Variants in SORCS3 observed in about 807,000 individuals in gnomAD.
The protein encoded by SORCS3 is sortilin related VPS10 domain containing receptor 3, also known as VPS10 domain-containing receptor SorCS3.
A neutral mutation model predicts 146.3 loss-of-function variants in SORCS3; 57 were observed. The observed-to-expected ratio is 0.39, with a 90% CI of 0.31 to 0.49. The LOEUF (loss-of-function observed/expected upper bound fraction) is 0.49, where lower values mean the gene tolerates loss of function less well. SORCS3 is among the 20% of genes least tolerant of loss of function. SORCS3 has a pLI of 0.92. For synonymous variants in SORCS3, 653 were observed against 618.5 expected (o/e 1.06, Z -0.83); for missense variants, 1,341 against 1,575.5 (o/e 0.85, Z 2.52).
intron 1 of SORCS3, among the ~76,000 whole-genome samples, chr10:104,645,073 A>C (rs749054085): frequency 2.3e-4 from 35 of 152,132 alleles, no homozygotes; most frequent in Non-Finnish European, 3.2e-4. Flanking sequence ...GAAGGAGTGC[A>C]ACTGGCTTTG....
intron 5 of SORCS3, among the ~76,000 whole-genome samples, chr10:105,048,398 G>C (rs1404072435): frequency 4.0e-5 from 6 of 151,238 alleles, no homozygotes; most frequent in Non-Finnish European, 7.4e-5. Flanking sequence ...CATGGATGAA[G>C]CTGGAAACCA....
At chr10:105,035,027 C>G (rs545865551) in intron 4 of SORCS3, among the ~76,000 whole-genome samples, 12 of 152,178 alleles carry the variant, frequency 7.9e-5, no homozygotes, top group Non-Finnish European at 1.3e-4. Flanking sequence ...AGCACCTGCT[C>G]CCTATCATGA....
chr10:104,949,961 G>C (rs567874706), intron 3 of SORCS3, among the ~76,000 whole-genome samples: 2 of 152,194 alleles, frequency 1.3e-5, no homozygotes, highest in Non-Finnish European at 2.9e-5. Context: ...TTTACAATAA[G>C]TTTAATTTGT....
chr10:104,696,033 A>T (rs12782888), intron 1 of SORCS3, among the ~76,000 whole-genome samples: 12,105 of 125,246 alleles, frequency 0.097, 3,172 homozygotes, highest in Non-Finnish European at 0.12. Context: ...ATACACATAT[A>T]ATATATAATA....
At chr10:104,680,972 A>T (rs1047990239) in intron 1 of SORCS3, among the ~76,000 whole-genome samples, 6 of 152,332 alleles carry the variant, frequency 3.9e-5, no homozygotes, top group Non-Finnish European at 7.4e-5. Flanking sequence ...AGAGAGCAGG[A>T]GGGACAGGCG....
intron 1 of SORCS3, among the ~76,000 whole-genome samples, chr10:104,741,797 C>A: frequency 1.0e-5 from 1 of 96,704 alleles, no homozygotes. Context: ...CCAGATGGTT[C>A]TTTTTTTATA....
chr10:104,650,649 A>G (rs2015547652), intron 1 of SORCS3, among the ~76,000 whole-genome samples: 1 of 152,288 alleles, frequency 6.6e-6, no homozygotes, highest in East Asian at 1.9e-4. Flanking sequence ...GCTCTCTTGT[A>G]TCTGGTGGTT....
intron 13 of SORCS3, among the ~76,000 whole-genome samples, chr10:105,171,903 A>C (rs1424467650): frequency 3.9e-5 from 6 of 152,196 alleles, no homozygotes; most frequent in African/African-American, 1.4e-4. Context: ...CCTTTAAACT[A>C]GTATTATACC....
rs1554841289 is a variant in SORCS3, at chr10:104,643,738, G to GTGTGTGTT, written c.627+1785_627+1792dup. On this transcript the variant is annotated intron_variant, in intron 1 of 26. Coordinates refer to ENST00000369701, the MANE Select transcript of SORCS3 (RefSeq NM_014978.3). ...TGTGTGTGTGTGTGTGTGTGTGTGT[G>GTGTGTGTT]TGTGTGTTGGGGTTCTTACTTGGTG... 1.2e-3 allele frequency among the ~76,000 whole-genome samples: 181 copies of GTGTGTGTT among 151,760 alleles called. 1 individual carries two copies. Among genetic ancestry groups the GTGTGTGTT allele is most frequent in the African/African-American group, 4.2e-3 (175 of 41,180 alleles).
rs150071930 is a variant in SORCS3, at chr10:105,262,441, T to C, written c.3554T>C (p.Phe1185Ser). 6 of 1,613,878 alleles carry C rather than the reference T, an allele frequency of 3.7e-6. No homozygotes were observed. The highest frequency in any genetic ancestry group is 1.3e-5 in the African/African-American group (1 of 74,906). The change falls in exon 26 of 27, where the codon TTT becomes TCT. Residue 1185 changes from phenylalanine to serine, a missense_variant. Coordinates refer to ENST00000369701, the MANE Select transcript of SORCS3 (RefSeq NM_014978.3). Reference sequence around the variant, plus strand: ...GCCCCCAAAATCACACTCAGTGACTTTACGGAGCCTGAGGAGCTGCTGGAC... The same window carrying C: ...GCCCCCAAAATCACACTCAGTGACTCTACGGAGCCTGAGGAGCTGCTGGAC... The part of the protein sequence containing the change: ...ENAPKITLSD[F>S]TEPEELLDKE...
In SORCS3 at chr10:105,140,746, A is replaced by AGAG. The variant is rs530097940; in HGVS notation, c.1302+1262_1302+1264dup. Among the ~76,000 whole-genome samples, 58 of 152,316 alleles carry AGAG rather than the reference A, an allele frequency of 3.8e-4. 1 individual carries two copies. In the South Asian group the frequency reaches 0.012, roughly 30 times the overall value. On this transcript the variant is annotated intron_variant, in intron 8 of 26. Coordinates refer to ENST00000369701, the MANE Select transcript of SORCS3 (RefSeq NM_014978.3). ...GCCATCTTGAGAGACTGGGTTGCAG[A>AGAG]GAGGCTGATAAGGTCAGCAGAGACC...
intron 1 of SORCS3, among the ~76,000 whole-genome samples, chr10:104,715,665 T>C (rs1381961046): frequency 1.3e-5 from 2 of 152,236 alleles, no homozygotes; most frequent in African/African-American, 4.8e-5. Flanking sequence ...CTCATTGTTT[T>C]ACTATTTCTG....
At chr10:104,688,449 C>T (rs534352544) in intron 1 of SORCS3, among the ~76,000 whole-genome samples, 18 of 37,378 alleles carry the variant, frequency 4.8e-4, no homozygotes, top group African/African-American at 1.2e-3. Context: ...ACGTTGACTC[C>T]AGCGCCTGCC....
intron 1 of SORCS3, among the ~76,000 whole-genome samples, chr10:104,813,360 A>AT (rs773347182): frequency 2.6e-5 from 4 of 152,164 alleles, no homozygotes; most frequent in Admixed American, 1.3e-4. Flanking sequence ...TTATATATTT[A>AT]TTTTTTTGTT....
At chr10:104,760,041 G>A (rs2017102113) in intron 1 of SORCS3, among the ~76,000 whole-genome samples, 1 of 152,232 alleles carries the variant, frequency 6.6e-6, no homozygotes, top group African/African-American at 2.4e-5. Flanking sequence ...GAAAGAACAG[G>A]AGTCGGTCAT....
chr10:104,756,542 G>A (rs2017052950), intron 1 of SORCS3, among the ~76,000 whole-genome samples: 1 of 152,174 alleles, frequency 6.6e-6, no homozygotes. Context: ...TTCATAAACA[G>A]AGTTTGTAGG....
At chr10:104,967,418 A>G (rs2054831968) in intron 3 of SORCS3, among the ~76,000 whole-genome samples, 1 of 152,186 alleles carries the variant, frequency 6.6e-6, no homozygotes, top group Admixed American at 6.5e-5. Flanking sequence ...ACCCACTTCC[A>G]CATGTACAAT....
chr10:105,067,911 G>T (rs995300135), intron 5 of SORCS3, among the ~76,000 whole-genome samples: 1 of 151,944 alleles, frequency 6.6e-6, no homozygotes, highest in Non-Finnish European at 1.5e-5. Flanking sequence ...TCTTATACAT[G>T]TCAGTGTTTC....
intron 4 of SORCS3, among the ~76,000 whole-genome samples, chr10:104,993,101 G>A (rs1325241577): frequency 6.6e-6 from 1 of 152,128 alleles, no homozygotes; most frequent in Non-Finnish European, 1.5e-5. Context: ...ACCATGACAA[G>A]AATCAAAGGA....
Sources: allele counts gnomAD v4.1 joint callset (sites outside exome capture counted in the v4.1 genomes callset), GRCh38; gene constraint gnomAD v4.1.1; transcripts MANE v1.5; gene names NCBI Gene and HGNC (gene_info 2026-07-23, HGNC 2026-07-21).